Variants in UNC13B observed in about 807,000 individuals in gnomAD.
UNC13B encodes the protein protein unc-13 homolog B.
Under a neutral mutation model 211.0 loss-of-function variants are expected in UNC13B, and 144 were observed. The ratio of observed to expected loss-of-function variants is 0.68; its 90% CI spans 0.60 to 0.78. UNC13B has a LOEUF of 0.78. UNC13B is among the 30% of genes least tolerant of loss of function. The probability of loss-of-function intolerance (pLI) is 0.00; values close to 1 mark genes in which losing one functional copy is unlikely to be tolerated. For missense variants in UNC13B, 1,777 were observed against 2,002.0 expected, an observed-to-expected ratio of 0.89 and a Z score of 2.14; for synonymous variants, 709 against 725.8, an observed-to-expected ratio of 0.98 and a Z score of 0.37.
rs1260373486 is a variant in UNC13B, at chr9:35,307,268, G to A, written c.7864G>A (p.Gly2622Arg). 4.0e-5 allele frequency: 16 copies of A among 398,888 alleles called. No homozygotes were observed. In the Admixed American group the frequency reaches 6.2e-4, roughly 15 times the overall value. 24.7% of individuals were successfully genotyped at this position (398,888 alleles called of 1,614,324 possible). Residue 2622 changes from glycine (G) to arginine (R), a missense_variant, in exon 9 of 40, where the codon GGA becomes AGA. Physicochemically the swap from Gly to Arg is moderately radical, Grantham distance 125. Transcript: ENST00000635942. ...SSFSGDDTGQ[G>R]VLSLSDEGDM... ...TTTCTCGGGTGATGATACTGGGCAAGGAGTATTGTCTCTGAGTGATGAAGG... is the reference window on the plus strand; with the variant it reads ...TTTCTCGGGTGATGATACTGGGCAAAGAGTATTGTCTCTGAGTGATGAAGG...
intron 26 of UNC13B, among the ~76,000 whole-genome samples, chr9:35,391,344 G>A (rs754391527): frequency 7.8e-4 from 119 of 152,106 alleles, no homozygotes; most frequent in Non-Finnish European, 1.5e-3. Flanking sequence ...ATTTAGCAGC[G>A]TTTCCTGCCA....
At chr9:35,376,936 G>A (rs1273027757) in intron 15 of UNC13B, among the ~76,000 whole-genome samples, 1 of 152,140 alleles carries the variant, frequency 6.6e-6, no homozygotes, top group Non-Finnish European at 1.5e-5. Context: ...CTGGACCCCA[G>A]GAAAAGCAGG....
At chr9:35,227,907 AAC>A in intron 1 of UNC13B, 106 bp from the exon 2 acceptor site, 13 of 876,616 alleles carry the variant, frequency 1.5e-5, no homozygotes, top group Non-Finnish European at 2.1e-5. Context: ...GTTTAGATTT[AAC>A]AATCTAAACC....
At chr9:35,384,190 G>C in intron 21 of UNC13B, 56 bp from the exon 22 acceptor site, 2 of 1,609,684 alleles carry the variant, frequency 1.2e-6, no homozygotes, top group Non-Finnish European at 1.7e-6. Context: ...TTATAGTTTA[G>C]GGGACTCAGA....
intron 2 of UNC13B, among the ~76,000 whole-genome samples, chr9:35,228,701 AAAGTGT>A (rs1825009100): frequency 8.6e-6 from 1 of 116,176 alleles, no homozygotes; most frequent in Non-Finnish European, 1.8e-5. Context: ...ACACATCATG[AAAGTGT>A]GTGTGTGTGT....
At chr9:35,267,720 TG>T (rs1164737530) in intron 7 of UNC13B, among the ~76,000 whole-genome samples, 3 of 152,136 alleles carry the variant, frequency 2.0e-5, no homozygotes, top group Non-Finnish European at 2.9e-5. Context: ...CTCAATGGGG[TG>T]CAGGTGTGAG....
chr9:35,401,874 C>T, intron 37 of UNC13B: 1 of 1,397,714 alleles, frequency 7.2e-7, no homozygotes, highest in South Asian at 1.2e-5. Flanking sequence ...TGGCTGTTAA[C>T]TCCTTAGACT....
chr9:35,252,713 G>T (rs1056824212), intron 6 of UNC13B, among the ~76,000 whole-genome samples: 1 of 151,938 alleles, frequency 6.6e-6, no homozygotes. Context: ...GGCGGATCAC[G>T]AGGTCAGGAG....
intron 3 of UNC13B, among the ~76,000 whole-genome samples, chr9:35,231,498 A>G (rs1416247287): frequency 6.6e-6 from 1 of 152,152 alleles, no homozygotes; most frequent in East Asian, 1.9e-4. Flanking sequence ...TTGGTGAAAA[A>G]CTACATAGGC....
chr9:35,306,361 A>C lies in UNC13B; in HGVS notation c.6957A>C (p.Ser2319=). ...GTTCCAATATTGTACCAGGGACATC[A>C]GTGGATTTCCAGATGAATGAATTGC... ...KLSSNIVPGT[S]VDFQMNELQK... Residue 2319 remains serine, a synonymous_variant, in exon 9 of 40, where the codon TCA becomes TCC. Coordinates refer to ENST00000635942, the MANE Select transcript of UNC13B (RefSeq NM_001371189.2). 1 of 399,058 alleles carries C rather than the reference A, an allele frequency of 2.5e-6. No homozygotes were observed. The highest frequency in any genetic ancestry group is 3.6e-5 in the East Asian group (1 of 28,076). The allele number at this position is 399,058 out of a possible 1,614,324, so 24.7% of individuals were successfully genotyped here.
At chr9:35,216,283 G>C (rs936293113) in intron 1 of UNC13B, among the ~76,000 whole-genome samples, 1 of 152,152 alleles carries the variant, frequency 6.6e-6, no homozygotes, top group Non-Finnish European at 1.5e-5. Flanking sequence ...GTTCTGTATT[G>C]CTCCTGCTAA....
chr9:35,329,775 G>A (rs569213759), intron 11 of UNC13B, among the ~76,000 whole-genome samples: 2 of 152,060 alleles, frequency 1.3e-5, no homozygotes, highest in African/African-American at 2.4e-5. Flanking sequence ...ACCACGCCTG[G>A]TCAAAAATAA....
At chr9:35,332,064 C>T (rs1159215735) in intron 11 of UNC13B, among the ~76,000 whole-genome samples, 2 of 152,092 alleles carry the variant, frequency 1.3e-5, no homozygotes, top group African/African-American at 4.8e-5. Flanking sequence ...TCACTGCAAC[C>T]TCCACCTACC....
rs374613403 is a variant in UNC13B at position 35,292,223 on chromosome 9, C to A, written c.527-3473C>A. ...TCCAGGAATACCACATACTAGAGGG[C>A]CTCATTTTTCTGTATTTCACTGGAT... On this transcript the variant is annotated intron_variant, in intron 7 of 39. Transcript: ENST00000635942. 2.6e-5 allele frequency among the ~76,000 whole-genome samples: 4 copies of A among 152,212 alleles called. No homozygotes were observed. The South Asian group carries it at 8.3e-4, about 32-fold the overall frequency.
At chr9:35,296,194 C>A (rs1398543505) in intron 8 of UNC13B, among the ~76,000 whole-genome samples, 2 of 152,220 alleles carry the variant, frequency 1.3e-5, no homozygotes, top group Non-Finnish European at 2.9e-5. Context: ...TCAGGGCGAT[C>A]CCACTTGGGG....
At chr9:35,346,811 C>T (rs1439184814) in intron 11 of UNC13B, among the ~76,000 whole-genome samples, 1 of 152,192 alleles carries the variant, frequency 6.6e-6, no homozygotes, top group Admixed American at 6.5e-5. Flanking sequence ...CCAGAGCCTA[C>T]TTACCCCATC....
chr9:35,203,864 A>G (rs1010119990), intron 1 of UNC13B, among the ~76,000 whole-genome samples: 1 of 152,262 alleles, frequency 6.6e-6, no homozygotes, highest in African/African-American at 2.4e-5. Flanking sequence ...ATCAGGCTGC[A>G]GAAATCTGCC....
At chr9:35,188,661 A>G in intron 1 of UNC13B, among the ~76,000 whole-genome samples, 1 of 152,170 alleles carries the variant, frequency 6.6e-6, no homozygotes, top group East Asian at 1.9e-4. Flanking sequence ...CACCTGTTAA[A>G]TGTCAGAGGT....
intron 1 of UNC13B, among the ~76,000 whole-genome samples, chr9:35,199,877 G>A (rs1587355826): frequency 6.6e-6 from 1 of 152,170 alleles, no homozygotes; most frequent in Non-Finnish European, 1.5e-5. Context: ...GGCTTTTGTT[G>A]CCATTGCTTT....
Sources: gnomAD v4.1 joint callset for allele counts (sites outside exome capture counted in the v4.1 genomes callset) on GRCh38, gnomAD v4.1.1 for gene constraint, MANE v1.5 for transcripts, NCBI Gene and HGNC (gene_info 2026-07-23, HGNC 2026-07-21) for gene names.